The following KCNJ16 variants were observed in gnomAD, a reference collection of about 807,000 sequenced individuals.
KCNJ16 encodes inward rectifier potassium channel 16.
Under a neutral mutation model 18.5 loss-of-function variants are expected in KCNJ16, and 15 were observed. The observed-to-expected ratio is 0.81, with a 90% CI of 0.54 to 1.25. The LOEUF is 1.25. KCNJ16 is among the 50% of genes most tolerant of loss of function. KCNJ16 has a pLI of 0.00. For missense variants in KCNJ16, 523 were observed against 525.7 expected, an observed-to-expected ratio of 0.99 and a Z score of 0.05; for synonymous variants, 174 against 186.5, an observed-to-expected ratio of 0.93 and a Z score of 0.55.
At chr17:70,087,245 T>C (rs1158045882) in intron 1 of KCNJ16, among the ~76,000 whole-genome samples, 2 of 152,104 alleles carry the variant, frequency 1.3e-5, no homozygotes, top group African/African-American at 4.8e-5. Context: ...AGAATTCTTA[T>C]TATGGCAATA....
chr17:70,082,554 A>G (rs2071600379), intron 1 of KCNJ16, among the ~76,000 whole-genome samples: 3 of 152,152 alleles, frequency 2.0e-5, no homozygotes, highest in Admixed American at 2.0e-4. Flanking sequence ...CTTATCAAAG[A>G]CCCTTGGTTC....
At chr17:70,104,497 G>A (rs938917517) in intron 2 of KCNJ16, among the ~76,000 whole-genome samples, 2 of 152,194 alleles carry the variant, frequency 1.3e-5, no homozygotes, top group African/African-American at 4.8e-5. Context: ...TACATAGTCA[G>A]ACAAAGTGTG....
At chr17:70,084,941 G>A (rs1028368672) in intron 1 of KCNJ16, among the ~76,000 whole-genome samples, 3 of 152,030 alleles carry the variant, frequency 2.0e-5, no homozygotes, top group Non-Finnish European at 4.4e-5. Flanking sequence ...TTCTTTCTTA[G>A]ATTGTGTTTG....
chr17:70,075,668 T>C (rs1488585680), intron 1 of KCNJ16, among the ~76,000 whole-genome samples: 1 of 152,208 alleles, frequency 6.6e-6, no homozygotes, highest in Non-Finnish European at 1.5e-5. Context: ...GCTATTATAT[T>C]TGTAAATGTC....
chr17:70,095,800 C>G (rs1598111107), intron 1 of KCNJ16, among the ~76,000 whole-genome samples: 1 of 146,146 alleles, frequency 6.8e-6, no homozygotes. Context: ...GAAACTGATT[C>G]AAACTTGGGT....
chr17:70,075,786 G>A (rs2886630), intron 1 of KCNJ16, among the ~76,000 whole-genome samples: 129,943 of 152,126 alleles, frequency 0.85, 55,605 homozygotes, highest in East Asian at 0.99. Flanking sequence ...TGCAAATATT[G>A]AAAAATATGT....
At chr17:70,119,540 G>A (rs2073547256) in intron 2 of KCNJ16, among the ~76,000 whole-genome samples, 1 of 152,188 alleles carries the variant, frequency 6.6e-6, no homozygotes, top group African/African-American at 2.4e-5. Flanking sequence ...TGCATTCCAT[G>A]GACCTGCAGG....
intron 2 of KCNJ16, among the ~76,000 whole-genome samples, chr17:70,106,529 G>C (rs2072935342): frequency 6.6e-6 from 1 of 152,144 alleles, no homozygotes; most frequent in Non-Finnish European, 1.5e-5. Context: ...ACCAAGTGGT[G>C]CAATTCCAAA....
At position 70,131,541 on chromosome 17, in the gene KCNJ16, ACT is replaced by A. The variant is rs1457077006; in HGVS notation, c.-93-451_-93-450del. 8 of 874,932 alleles carry A rather than the reference ACT, an allele frequency of 9.1e-6. No individual in the cohort carries two copies. In the Admixed American group the frequency reaches 3.9e-4, roughly 42 times the overall value. The allele number at this position is 874,932 out of a possible 1,614,324, so 54.2% of individuals were successfully genotyped here. On this transcript the variant is annotated intron_variant, in intron 3 of 3. Transcript: ENST00000392671. Reference sequence around the variant, plus strand: ...GTTACATTATGATATGAAAGTAGAAACTCTTTATTGCATCCTTCTTTTAAGGA... The same window carrying A: ...GTTACATTATGATATGAAAGTAGAAACTTTATTGCATCCTTCTTTTAAGGA...
chr17:70,126,547 T>C (rs959714906), intron 2 of KCNJ16, among the ~76,000 whole-genome samples: 1 of 152,208 alleles, frequency 6.6e-6, no homozygotes, highest in Non-Finnish European at 1.5e-5. Flanking sequence ...ATAGGTATCA[T>C]AACCTTATTT....
intron 1 of KCNJ16, among the ~76,000 whole-genome samples, chr17:70,077,397 G>C (rs564507205): frequency 5.0e-4 from 76 of 152,316 alleles, no homozygotes; most frequent in Admixed American, 1.5e-3. Flanking sequence ...ATTAGCATAA[G>C]CATGAGAGCA....
At position 70,135,277 on chromosome 17, in the gene KCNJ16, A is replaced by G. The variant is rs2074186531; in HGVS notation, c.*1933A>G. ...ATTAGAGTACTGCAATCTTGTAAGT[A>G]GAAAACAGCCACCATGACAATAAAC... On this transcript the variant is annotated 3_prime_UTR_variant, in exon 4 of 4. Transcript: ENST00000392671. 6.0e-6 allele frequency: 1 copy of G among 167,040 alleles called. No individual in the cohort carries two copies. 10.3% of individuals were successfully genotyped at this position (167,040 alleles called of 1,614,324 possible).
intron 2 of KCNJ16, among the ~76,000 whole-genome samples, chr17:70,121,586 A>G (rs1253181195): frequency 6.6e-6 from 1 of 152,166 alleles, no homozygotes; most frequent in East Asian, 1.9e-4. Flanking sequence ...TCTAATTGCA[A>G]TGGAAAGAAA....
rs1278027934 is a variant in KCNJ16, at chr17:70,132,833, C to T, written c.746C>T (p.Thr249Ile). The T allele has an allele frequency of 6.2e-7, 1 of 1,614,002 alleles. No individual in the cohort carries two copies. Among genetic ancestry groups the T allele is most frequent in the Non-Finnish European group, 8.5e-7 (1 of 1,180,036 alleles). ...KLVNDQIILV[T>I]PVTIVHEIDH... ...GTCAACGACCAAATCATCCTGGTCACCCCGGTAACTATTGTCCATGAAATT... is the reference window on the plus strand; with the variant it reads ...GTCAACGACCAAATCATCCTGGTCATCCCGGTAACTATTGTCCATGAAATT... The change falls in exon 4 of 4, where the codon ACC (threonine) becomes ATC (isoleucine). Residue 249 changes from threonine to isoleucine, a missense_variant. Physicochemically the swap from Thr to Ile is moderately conservative, Grantham distance 89. Coordinates refer to ENST00000392671, the MANE Select transcript of KCNJ16 (RefSeq NM_170741.4).
chr17:70,091,537 G>C (rs2072091020), intron 1 of KCNJ16, among the ~76,000 whole-genome samples: 1 of 152,110 alleles, frequency 6.6e-6, no homozygotes, highest in South Asian at 2.1e-4. Flanking sequence ...CTGCAAACAA[G>C]TAAACATGCA....
intron 2 of KCNJ16, among the ~76,000 whole-genome samples, chr17:70,119,888 A>G (rs1391171468): frequency 6.6e-6 from 1 of 152,184 alleles, no homozygotes; most frequent in African/African-American, 2.4e-5. Context: ...AGCCTGCTTG[A>G]ATTTGGCTCC....
chr17:70,124,486 G>A (rs147690294), intron 2 of KCNJ16, among the ~76,000 whole-genome samples: 410 of 152,280 alleles, frequency 2.7e-3, no homozygotes, highest in African/African-American at 9.5e-3. Flanking sequence ...TACTCCCAAG[G>A]GGAATGTAGA....
intron 1 of KCNJ16, among the ~76,000 whole-genome samples, chr17:70,087,991 C>A (rs1274266772): frequency 1.7e-5 from 2 of 114,942 alleles, no homozygotes; most frequent in African/African-American, 6.9e-5. Context: ...CACTGCACTG[C>A]AGCCTGGGCG....
At chr17:70,103,170 A>C (rs2072723721) in intron 2 of KCNJ16, among the ~76,000 whole-genome samples, 1 of 145,378 alleles carries the variant, frequency 6.9e-6, no homozygotes. Flanking sequence ...TATTTAATAT[A>C]TATTTATGTG....
Sources: allele counts gnomAD v4.1 joint callset (sites outside exome capture counted in the v4.1 genomes callset), GRCh38; gene constraint gnomAD v4.1.1; transcripts MANE v1.5; gene names NCBI Gene and HGNC (gene_info 2026-07-23, HGNC 2026-07-21).